The following PNKD variants were observed in gnomAD, a reference collection of about 807,000 sequenced individuals.
The protein encoded by PNKD is PNKD metallo-beta-lactamase domain containing.
In PNKD, 36 loss-of-function variants were observed where a neutral mutation model predicts 45.3. The ratio of observed to expected loss-of-function variants is 0.80; its 90% CI spans 0.61 to 1.05. The LOEUF is 1.05. Among genes scored for constraint, PNKD ranks in the 50% least tolerant of loss-of-function variants. The pLI is 0.00. For missense variants in PNKD, 511 were observed against 506.6 expected, an observed-to-expected ratio of 1.01 and a Z score of -0.08; for synonymous variants, 197 against 210.1, an observed-to-expected ratio of 0.94 and a Z score of 0.54.
At chr2:218,291,118 A>G (rs572193632) in intron 2 of PNKD, among the ~76,000 whole-genome samples, 10 of 152,090 alleles carry the variant, frequency 6.6e-5, no homozygotes, top group Non-Finnish European at 1.5e-4. Flanking sequence ...CCAGGTGGCT[A>G]TTACCCCAGC....
rs1450960849 is a variant in PNKD at position 218,326,072 on chromosome 2, G to A, written c.237-13711G>A. On this transcript the variant is annotated intron_variant, in intron 2 of 9. Coordinates refer to ENST00000273077, the MANE Select transcript of PNKD (RefSeq NM_015488.5). The surrounding 1 kb of genome is among the most constrained non-coding windows in gnomAD (Gnocchi z 4.1). ...TCCAGGAAGGATGGGGAGGGAGGGG[G>A]AACGGAATGGGACAGGACATGATGG... 6.7e-6 allele frequency among the ~76,000 whole-genome samples: 1 copy of A among 148,706 alleles called. No individual in the cohort carries two copies. The highest frequency in any genetic ancestry group is 1.5e-5 in the Non-Finnish European group (1 of 67,270).
intron 2 of PNKD, among the ~76,000 whole-genome samples, chr2:218,331,306 C>A (rs1694310019): frequency 1.3e-5 from 2 of 151,850 alleles, no homozygotes; most frequent in African/African-American, 2.4e-5. Context: ...CTTCGGGAGG[C>A]TGAGGCAGAA....
intron 7 of PNKD, among the ~76,000 whole-genome samples, chr2:218,343,294 C>G (rs1224733731): frequency 6.6e-6 from 1 of 152,202 alleles, no homozygotes; most frequent in East Asian, 1.9e-4. Flanking sequence ...CAACGGAGGC[C>G]TCGGATGGGC....
At chr2:218,305,142 C>T (rs555954589) in intron 2 of PNKD, among the ~76,000 whole-genome samples, 1 of 152,264 alleles carries the variant, frequency 6.6e-6, no homozygotes, top group Non-Finnish European at 1.5e-5. Context: ...TGAAATCCCA[C>T]GTGCAAGGGC....
rs564321930 is a variant in PNKD, at chr2:218,271,500, A to G, written c.187A>G (p.Ile63Val). The G allele has an allele frequency of 1.2e-6, 2 of 1,614,154 alleles. No individual in the cohort carries two copies. Among genetic ancestry groups the G allele is most frequent in the African/African-American group, 1.3e-5 (1 of 75,044 alleles). Residue 63 changes from isoleucine to valine, a missense_variant, in exon 2 of 10, where the codon ATT becomes GTT. Transcript: ENST00000273077. ...PEPLSPELEY[I>V]PRKRGKNPMK... The stretch of plus-strand genomic sequence containing the variant: ...ACCCCTATCCCCGGAGCTGGAATAC[A>G]TTCCCAGAAAGAGGGGCAAGAACCC...
rs1464135710 is a variant in PNKD at position 218,340,131 on chromosome 2, GGGCTGTGCA to G, written c.458_465+1del. On this transcript the variant is annotated inframe_deletion and splice_region_variant, in exon 4 of 10. Coordinates refer to ENST00000273077, the MANE Select transcript of PNKD (RefSeq NM_015488.5). The surrounding 1 kb of genome is among the most constrained non-coding windows in gnomAD (Gnocchi z 4.2). ...GTGGCTGTGGACCCTTCAGACCCTC[GGGCTGTGCA>G]GGTGAGGGGAGGGCAGGGAGCAGGG... The G allele has an allele frequency of 7.5e-6, 12 of 1,608,460 alleles. No homozygotes were observed. Among genetic ancestry groups the G allele is most frequent in the Non-Finnish European group, 1.0e-5 (12 of 1,175,562 alleles).
At chr2:218,329,054 C>T (rs1450862647) in intron 2 of PNKD, among the ~76,000 whole-genome samples, 1 of 152,124 alleles carries the variant, frequency 6.6e-6, no homozygotes, top group Non-Finnish European at 1.5e-5. Flanking sequence ...CTAAAAGATA[C>T]AAAAATTAAC....
chr2:218,280,806 T>TG, intron 2 of PNKD: 1 of 100,724 alleles, frequency 9.9e-6, no homozygotes, highest in Non-Finnish European at 1.9e-5. Flanking sequence ...CCTCATTTCC[T>TG]TTTTTTTTTT....
chr2:218,297,290 G>C (rs962969641), intron 2 of PNKD, among the ~76,000 whole-genome samples: 1 of 152,234 alleles, frequency 6.6e-6, no homozygotes, highest in Non-Finnish European at 1.5e-5. Flanking sequence ...AGGAAATAGA[G>C]AGTGGAAAGA....
chr2:218,272,922 GTTA>G (rs1295410960), intron 2 of PNKD: 29 of 1,505,528 alleles, frequency 1.9e-5, no homozygotes, highest in East Asian at 1.2e-4. Flanking sequence ...GGCAAATAAA[GTTA>G]TTGAGTGTTT....
rs35226712 is a variant in PNKD, at chr2:218,321,934, C to CTTT, written c.237-17833_237-17831dup. Among the ~76,000 whole-genome samples, 345 of 120,482 alleles carry CTTT rather than the reference C, an allele frequency of 2.9e-3. 13 individuals are homozygous for CTTT. Among genetic ancestry groups the CTTT allele is most frequent in the Non-Finnish European group, 3.6e-3 (212 of 59,268 alleles). 79.0% of individuals were successfully genotyped at this position (120,482 alleles called of 152,430 possible). On this transcript the variant is annotated intron_variant, in intron 2 of 9. Coordinates refer to ENST00000273077, the MANE Select transcript of PNKD (RefSeq NM_015488.5). ...CCACCGCTCCCGGCCGAGCTTGACTCTTTTTTTTTTTTTTTTTTGAGCCGG... is the reference window on the plus strand; with the variant it reads ...CCACCGCTCCCGGCCGAGCTTGACTCTTTTTTTTTTTTTTTTTTTTTGAGCCGG...
At chr2:218,329,610 G>A (rs541469013) in intron 2 of PNKD, among the ~76,000 whole-genome samples, 1 of 152,338 alleles carries the variant, frequency 6.6e-6, no homozygotes, top group African/African-American at 2.4e-5. Context: ...GGAAGAACCT[G>A]TCCTGGGATG....
intron 2 of PNKD, chr2:218,275,365 G>C: frequency 7.1e-7 from 1 of 1,416,200 alleles, no homozygotes; most frequent in Admixed American, 2.4e-5. Context: ...AACTGGGCAT[G>C]TTACTCAAGG....
chr2:218,308,219 C>CA (rs1693477519), intron 2 of PNKD, among the ~76,000 whole-genome samples: 1 of 140,398 alleles, frequency 7.1e-6, no homozygotes, highest in Admixed American at 7.5e-5. Flanking sequence ...GACAGAGTCT[C>CA]ACTGCACATC....
chr2:218,323,558 G>A (rs968256130), intron 2 of PNKD: 11 of 875,600 alleles, frequency 1.3e-5, no homozygotes, highest in South Asian at 8.2e-5. Context: ...TAAGGGAAGA[G>A]GGATCGAGGA....
At chr2:218,328,581 TC>T (rs1446324623) in intron 2 of PNKD, among the ~76,000 whole-genome samples, 11 of 152,220 alleles carry the variant, frequency 7.2e-5, no homozygotes, top group Admixed American at 7.2e-4. Context: ...CTCTGAATGA[TC>T]CTTTTGTAAT....
intron 2 of PNKD, chr2:218,280,195 G>A (rs1691745040): frequency 8.7e-7 from 1 of 1,155,320 alleles, no homozygotes; most frequent in Admixed American, 1.7e-5. Flanking sequence ...AAGCCTCCCT[G>A]ACAATCTCAA....
Position 218,345,164 on chromosome 2 carries a change from G to C in PNKD, c.*183G>C, listed in dbSNP as rs1374778041. 1.6e-6 allele frequency: 1 copy of C among 608,360 alleles called. No homozygotes were observed. Among genetic ancestry groups the C allele is most frequent in the African/African-American group, 1.9e-5 (1 of 53,974 alleles). 37.7% of individuals were successfully genotyped at this position (608,360 alleles called of 1,614,324 possible). ...TGAGACTGTGAGGCCAAAAGAAGGG[G>C]GCCTGTTGGAGGCTGGGAACCCCGC... On this transcript the variant is annotated 3_prime_UTR_variant, in exon 10 of 10. Coordinates refer to ENST00000273077, the MANE Select transcript of PNKD (RefSeq NM_015488.5).
chr2:218,270,668 A>G (rs558025466), intron 1 of PNKD, 66 bp downstream of exon 1: 61 of 484,354 alleles, frequency 1.3e-4, no homozygotes, highest in Middle Eastern at 3.0e-4. Flanking sequence ...GTCCAGCCCG[A>G]CGATAGCAGG....
Sources: allele counts gnomAD v4.1 joint callset (sites outside exome capture counted in the v4.1 genomes callset), GRCh38; gene constraint gnomAD v4.1.1; non-coding constraint Gnocchi (gnomAD v3.1); transcripts MANE v1.5; gene names NCBI Gene and HGNC (gene_info 2026-07-23, HGNC 2026-07-21).